KIF21A: variants seen among roughly 807,000 people sequenced by gnomAD.
KIF21A encodes the protein kinesin-like protein KIF21A.
Under a neutral mutation model 202.9 loss-of-function variants are expected in KIF21A, and 114 were observed. The ratio of observed to expected loss-of-function variants is 0.56; its 90% confidence interval spans 0.48 to 0.66. KIF21A has a LOEUF of 0.66. KIF21A is among the 30% of genes least tolerant of loss of function. KIF21A has a pLI of 0.00. For synonymous variants in KIF21A, 667 were observed against 670.8 expected (o/e 0.99, Z 0.09); for missense variants, 1,677 against 1,994.9 (o/e 0.84, Z 3.04).
chr12:39,427,752 G>A (rs1169549248), intron 1 of KIF21A, among the ~76,000 whole-genome samples: 3 of 152,116 alleles, frequency 2.0e-5, no homozygotes, highest in Non-Finnish European at 4.4e-5. Context: ...TCCACTTCCT[G>A]GGTTCAAGCA....
At chr12:39,346,762 A>T (rs1213938473) in intron 11 of KIF21A, among the ~76,000 whole-genome samples, 2 of 151,996 alleles carry the variant, frequency 1.3e-5, no homozygotes, top group African/African-American at 2.4e-5. Flanking sequence ...GCAGCAGCAA[A>T]ATGTATAGTC....
chr12:39,438,087 G>A (rs1400217280), intron 1 of KIF21A, among the ~76,000 whole-genome samples: 2 of 152,040 alleles, frequency 1.3e-5, no homozygotes, highest in Non-Finnish European at 2.9e-5. Context: ...TTACTTAGTG[G>A]TGAATAAACC....
intron 1 of KIF21A, among the ~76,000 whole-genome samples, chr12:39,374,894 C>G (rs936169717): frequency 5.3e-5 from 8 of 152,110 alleles, no homozygotes; most frequent in Non-Finnish European, 1.0e-4. Flanking sequence ...GTTGAATAAA[C>G]TACTTTTTTT....
chr12:39,377,169 C>G (rs1232772797), intron 1 of KIF21A, among the ~76,000 whole-genome samples: 1 of 152,100 alleles, frequency 6.6e-6, no homozygotes, highest in Non-Finnish European at 1.5e-5. Flanking sequence ...AACTAGCCCA[C>G]TTGGCACTTG....
chr12:39,384,398 G>C (rs1190217860), intron 1 of KIF21A, among the ~76,000 whole-genome samples: 1 of 152,092 alleles, frequency 6.6e-6, no homozygotes, highest in Non-Finnish European at 1.5e-5. Context: ...TAAATCAGTG[G>C]TTCACAGCAT....
At chr12:39,397,630 TC>T (rs1479432599) in intron 1 of KIF21A, among the ~76,000 whole-genome samples, 2 of 152,240 alleles carry the variant, frequency 1.3e-5, no homozygotes, top group Non-Finnish European at 2.9e-5. Flanking sequence ...CTGTAGGTAC[TC>T]AAGCATTTGC....
chr12:39,433,265 C>T (rs1369790773), intron 1 of KIF21A, among the ~76,000 whole-genome samples: 1 of 152,044 alleles, frequency 6.6e-6, no homozygotes, highest in East Asian at 1.9e-4. Flanking sequence ...TTCTAAATAT[C>T]AGTCTTGTTC....
At chr12:39,361,299 C>T (rs1324194210) in intron 7 of KIF21A, among the ~76,000 whole-genome samples, 2 of 152,126 alleles carry the variant, frequency 1.3e-5, no homozygotes, top group East Asian at 3.9e-4. Context: ...TTACACTTGG[C>T]TGAAAAAATG....
At chr12:39,429,592 A>T (rs1450618930) in intron 1 of KIF21A, among the ~76,000 whole-genome samples, 1 of 152,216 alleles carries the variant, frequency 6.6e-6, no homozygotes, top group Admixed American at 6.5e-5. Flanking sequence ...TGTGCCAGAC[A>T]TTATTCTGAG....
At chr12:39,313,916 C>T (rs1054085802) in intron 31 of KIF21A, among the ~76,000 whole-genome samples, 1 of 151,554 alleles carries the variant, frequency 6.6e-6, no homozygotes, top group Admixed American at 6.6e-5. Flanking sequence ...GATCTGTAGA[C>T]TATATTACAT....
chr12:39,391,394 C>CCT (rs1951338972), intron 1 of KIF21A, among the ~76,000 whole-genome samples: 1 of 151,922 alleles, frequency 6.6e-6, no homozygotes, highest in South Asian at 2.1e-4. Flanking sequence ...TAGTGTGCTC[C>CCT]CTATGCATCC....
At position 39,318,140 on chromosome 12, in the gene KIF21A, G is replaced by A. The variant is rs769601725; in HGVS notation, c.3841C>T (p.Arg1281Cys). The change falls in exon 29 of 38, where the codon CGT becomes TGT. Residue 1281 changes from arginine to cysteine, a missense_variant. This residue lies in a region of KIF21A where 705 missense variants were observed against 791.9 expected (regional missense o/e 0.89). Coordinates refer to ENST00000361418, the MANE Select transcript of KIF21A (RefSeq NM_001173464.2). ...CGATTAAAAACATTCAGTTCATTAC[G>A]GGGCCGGCTTGGTGGGGAAGAAGGA... ...SPPSSPPSRP[R>C]NELNVFNRLT... 1.8e-5 allele frequency: 29 copies of A among 1,613,284 alleles called. No homozygotes were observed. Among genetic ancestry groups the A allele is most frequent in the African/African-American group, 9.4e-5 (7 of 74,826 alleles).
At chr12:39,311,772 T>G (rs1944057545) in intron 31 of KIF21A, 1 of 552,130 alleles carries the variant, frequency 1.8e-6, no homozygotes, top group South Asian at 2.1e-5. Context: ...AGCTGCATTC[T>G]GCAAAGAGCA....
intron 1 of KIF21A, among the ~76,000 whole-genome samples, chr12:39,396,558 A>G (rs1367515901): frequency 6.6e-6 from 1 of 152,216 alleles, no homozygotes; most frequent in Non-Finnish European, 1.5e-5. Flanking sequence ...GAAATAGAGT[A>G]ATTATATGGG....
At chr12:39,306,797 G>A (rs1943518987) in intron 34 of KIF21A, among the ~76,000 whole-genome samples, 1 of 152,196 alleles carries the variant, frequency 6.6e-6, no homozygotes, top group African/African-American at 2.4e-5. Flanking sequence ...TAGGTGGCAA[G>A]AGCATTTGAG....
At chr12:39,342,685 C>T (rs961862352) in intron 12 of KIF21A, among the ~76,000 whole-genome samples, 4 of 152,086 alleles carry the variant, frequency 2.6e-5, no homozygotes, top group Non-Finnish European at 5.9e-5. Context: ...TTAGGCTGCC[C>T]GTACAGCACA....
intron 37 of KIF21A, among the ~76,000 whole-genome samples, chr12:39,298,197 C>T (rs1942598423): frequency 6.6e-6 from 1 of 152,106 alleles, no homozygotes; most frequent in Admixed American, 6.6e-5. Flanking sequence ...ATTTTCCACA[C>T]CACAGCAAAG....
At chr12:39,374,650 C>T (rs530828705) in intron 1 of KIF21A, among the ~76,000 whole-genome samples, 2 of 152,140 alleles carry the variant, frequency 1.3e-5, no homozygotes, top group African/African-American at 4.8e-5. Flanking sequence ...CCCCTATAAA[C>T]TACACTAGGT....
Position 39,375,033 on chromosome 12 carries a change from A to G in KIF21A, c.45-4772T>C, listed in dbSNP as rs116559801. Among the ~76,000 whole-genome samples the G allele has an allele frequency of 7.3e-3, 1,107 of 152,236 alleles. 9 individuals carry two copies. Among genetic ancestry groups the G allele is most frequent in the African/African-American group, 0.025 (1,048 of 41,550 alleles). On this transcript the variant is annotated intron_variant, in intron 1 of 37. Transcript: ENST00000361418. ...CTACTTCATTTATGAAAACATTATC[A>G]TGGGCTCATTGCTGTGGAAGGAACT...
Sources: gnomAD v4.1 joint callset for allele counts (sites outside exome capture counted in the v4.1 genomes callset) on GRCh38, gnomAD v4.1.1 for gene constraint, gnomAD v4.1.1 regional missense constraint, MANE v1.5 for transcripts, NCBI Gene and HGNC (gene_info 2026-07-23, HGNC 2026-07-21) for gene names.